The following FAR2 variants were observed in gnomAD, a reference collection of about 807,000 sequenced individuals.
FAR2 encodes fatty acyl-CoA reductase 2, also known as epididymis secretory protein Li 81.
In FAR2, 19 loss-of-function variants were observed where a neutral mutation model predicts 56.0. The ratio of observed to expected loss-of-function variants is 0.34; its 90% CI spans 0.24 to 0.50. The LOEUF (loss-of-function observed/expected upper bound fraction) is 0.50, where lower values mean the gene tolerates loss of function less well. FAR2 is among the 20% of genes least tolerant of loss of function. The pLI, the probability that FAR2 is intolerant of heterozygous loss-of-function variation, is 0.98. For synonymous variants in FAR2, 219 were observed against 218.8 expected, an observed-to-expected ratio of 1.00 and a Z score of -0.01; for missense variants, 508 against 642.2, an observed-to-expected ratio of 0.79 and a Z score of 2.26.
intron 8 of FAR2, 107 bp from the exon 9 acceptor site, chr12:29,316,734 C>T: frequency 8.7e-7 from 1 of 1,148,584 alleles, no homozygotes; most frequent in Non-Finnish European, 1.2e-6. Context: ...TGACTCTACA[C>T]AGCAAATCCT....
intron 3 of FAR2, among the ~76,000 whole-genome samples, chr12:29,295,424 C>T (rs1331080195): frequency 1.3e-5 from 2 of 152,032 alleles, no homozygotes; most frequent in Non-Finnish European, 2.9e-5. Context: ...GCATATACTT[C>T]CTGATTAAAT....
chr12:29,247,436 A>ATT, intron 1 of FAR2, among the ~76,000 whole-genome samples: 1 of 152,212 alleles, frequency 6.6e-6, no homozygotes, highest in South Asian at 2.1e-4. Flanking sequence ...GCAAACAGTA[A>ATT]TTTGTGCAAT....
intron 1 of FAR2, among the ~76,000 whole-genome samples, chr12:29,205,486 A>G (rs1022617975): frequency 2.0e-5 from 3 of 152,184 alleles, no homozygotes; most frequent in Non-Finnish European, 4.4e-5. Flanking sequence ...AATGAATGAC[A>G]TGTGGATACT....
At chr12:29,266,750 C>T (rs941692611) in intron 1 of FAR2, among the ~76,000 whole-genome samples, 3 of 152,098 alleles carry the variant, frequency 2.0e-5, no homozygotes, top group Non-Finnish European at 4.4e-5. Context: ...ATCAAAATAT[C>T]TCATGTGCCT....
intron 1 of FAR2, among the ~76,000 whole-genome samples, chr12:29,167,020 C>T (rs936382309): frequency 6.6e-6 from 1 of 152,158 alleles, no homozygotes; most frequent in African/African-American, 2.4e-5. Context: ...CTATTCCTAC[C>T]CTTTTTATTT....
intron 4 of FAR2, among the ~76,000 whole-genome samples, chr12:29,303,250 A>AT (rs934160234): frequency 2.0e-5 from 3 of 152,138 alleles, no homozygotes; most frequent in African/African-American, 7.2e-5. Flanking sequence ...AGGAATCTGG[A>AT]TTTTTCCCAG....
At chr12:29,173,005 C>A (rs1483885867) in intron 1 of FAR2, among the ~76,000 whole-genome samples, 1 of 152,178 alleles carries the variant, frequency 6.6e-6, no homozygotes, top group African/African-American at 2.4e-5. Flanking sequence ...TACCAGGTAT[C>A]TCCAAACTCT....
chr12:29,239,456 G>GTA (rs1226419163), intron 1 of FAR2, among the ~76,000 whole-genome samples: 1 of 148,302 alleles, frequency 6.7e-6, no homozygotes, highest in East Asian at 1.9e-4. Context: ...AATCAACTGT[G>GTA]TGTGTGTGTG....
chr12:29,292,584 C>A (rs1270788109), intron 2 of FAR2, among the ~76,000 whole-genome samples: 1 of 152,004 alleles, frequency 6.6e-6, no homozygotes. Flanking sequence ...AGATGTACCC[C>A]AGGGTGTTTT....
At chr12:29,216,658 A>G (rs944404766) in intron 1 of FAR2, among the ~76,000 whole-genome samples, 6 of 151,482 alleles carry the variant, frequency 4.0e-5, no homozygotes, top group Admixed American at 6.6e-5. Context: ...GAAACAGCTG[A>G]AAAAAAAGGC....
chr12:29,311,537 G>A (rs1337990220), intron 7 of FAR2, among the ~76,000 whole-genome samples: 1 of 151,926 alleles, frequency 6.6e-6, no homozygotes, highest in Non-Finnish European at 1.5e-5. Flanking sequence ...GATGTGTGGG[G>A]AAGCTTCCTG....
chr12:29,178,283 T>C (rs1949957934), intron 1 of FAR2, among the ~76,000 whole-genome samples: 1 of 152,190 alleles, frequency 6.6e-6, no homozygotes, highest in Non-Finnish European at 1.5e-5. Context: ...AAAAAGCATA[T>C]GCCCATAAAT....
chr12:29,225,543 C>T (rs1289195415), intron 1 of FAR2, among the ~76,000 whole-genome samples: 2 of 151,982 alleles, frequency 1.3e-5, no homozygotes, highest in Non-Finnish European at 2.9e-5. Flanking sequence ...TATTTTTTTC[C>T]AGTGGGAAAA....
At chr12:29,270,779 C>T (rs2194520) in intron 2 of FAR2, 141 bp downstream of exon 2, 216,294 of 595,812 alleles carry the variant, frequency 0.36, 42,020 homozygotes, top group African/African-American at 0.56. Flanking sequence ...AACAAGACAG[C>T]AACAAGCTGC....
At chr12:29,155,979 G>A (rs527839554) in intron 1 of FAR2, among the ~76,000 whole-genome samples, 1 of 152,242 alleles carries the variant, frequency 6.6e-6, no homozygotes, top group South Asian at 2.1e-4. Context: ...GGCACAGAAA[G>A]AGAAATACTG....
chr12:29,189,145 G>A (rs960725378), intron 1 of FAR2, among the ~76,000 whole-genome samples: 3 of 152,070 alleles, frequency 2.0e-5, no homozygotes, highest in East Asian at 1.9e-4. Context: ...CGCATCTCCC[G>A]GAAAGGGGAA....
At chr12:29,260,823 A>C (rs1470524681) in intron 1 of FAR2, among the ~76,000 whole-genome samples, 6 of 152,212 alleles carry the variant, frequency 3.9e-5, no homozygotes, top group African/African-American at 1.4e-4. Context: ...GGAAGAAAAC[A>C]AGAGTCTCTG....
At chr12:29,263,343 T>A (rs1948456279) in intron 1 of FAR2, among the ~76,000 whole-genome samples, 1 of 152,160 alleles carries the variant, frequency 6.6e-6, no homozygotes, top group Admixed American at 6.5e-5. Flanking sequence ...AGCTACAGAA[T>A]ACACATTCTT....
At chr12:29,284,481 A>G (rs1948838591) in intron 2 of FAR2, among the ~76,000 whole-genome samples, 1 of 152,172 alleles carries the variant, frequency 6.6e-6, no homozygotes, top group South Asian at 2.1e-4. Context: ...CTCTGGAAAA[A>G]TCTGAATTAC....
Sources: gnomAD v4.1 joint callset for allele counts (sites outside exome capture counted in the v4.1 genomes callset) on GRCh38, gnomAD v4.1.1 for gene constraint, MANE v1.5 for transcripts, NCBI Gene and HGNC (gene_info 2026-07-23, HGNC 2026-07-21) for gene names.